Variants in PFKFB3 observed in about 807,000 individuals in gnomAD.
PFKFB3 encodes the protein 6-phosphofructo-2-kinase/fructose-2,6-biphosphatase 3.
A neutral mutation model predicts 68.0 loss-of-function variants in PFKFB3; 33 were observed. The ratio of observed to expected loss-of-function variants is 0.49; its 90% CI spans 0.37 to 0.65. PFKFB3 has a LOEUF of 0.65. Ranked by LOEUF, PFKFB3 falls within the 30% of genes least tolerant of loss-of-function variation. The pLI, the probability that PFKFB3 is intolerant of heterozygous loss-of-function variation, is 0.00. For synonymous variants in PFKFB3, 315 were observed against 288.2 expected, an observed-to-expected ratio of 1.09 and a Z score of -0.94; for missense variants, 586 against 712.2, an observed-to-expected ratio of 0.82 and a Z score of 2.02.
intron 1 of PFKFB3, among the ~76,000 whole-genome samples, chr10:6,195,972 C>T (rs1017524948): frequency 2.6e-5 from 4 of 152,104 alleles, no homozygotes; most frequent in African/African-American, 9.7e-5. Flanking sequence ...GTTTTCAAGA[C>T]TTTGAGAGGA....
upstream of PFKFB3, among the ~76,000 whole-genome samples, chr10:6,199,658 A>ATTTTTTTTTTTTTTTTTTTT (rs143309528): frequency 6.6e-5 from 5 of 75,584 alleles, no homozygotes; most frequent in African/African-American, 2.9e-4. Context: ...CTATTTTTAA[A>ATTTTTTTTTTTTTTTTTTTT]TTTTTTTTTT....
Position 6,228,969 on chromosome 10 carries a change from TC to T in PFKFB3, c.1515+2608del. ...GTGTTCCCACTGCTCTGGGATCCCT[TC>T]CCCACCAGGAGCAGAGGCCTTCCTG... On this transcript the variant is annotated intron_variant, in intron 14 of 14. Coordinates refer to ENST00000379775, the MANE Select transcript of PFKFB3 (RefSeq NM_004566.4). This position sits in a 1 kb window ranked among gnomAD's most constrained non-coding sequence, Gnocchi z 4.5. The T allele has an allele frequency of 4.7e-6, 2 of 421,318 alleles. No individual in the cohort carries two copies. The highest frequency in any genetic ancestry group is 3.6e-5 in the South Asian group (2 of 55,486). The allele number at this position is 421,318 out of a possible 1,614,324, so 26.1% of individuals were successfully genotyped here.
intron 1 of PFKFB3, among the ~76,000 whole-genome samples, chr10:6,213,349 A>G (rs1227249778): frequency 6.6e-6 from 1 of 152,130 alleles, no homozygotes; most frequent in Non-Finnish European, 1.5e-5. Flanking sequence ...GCGAGACCCC[A>G]TCTCTACAAA....
intron 14 of PFKFB3, among the ~76,000 whole-genome samples, chr10:6,245,439 C>T (rs911468250): frequency 2.4e-5 from 3 of 126,766 alleles, no homozygotes; most frequent in Non-Finnish European, 5.1e-5. Flanking sequence ...ATTTTTGAAA[C>T]AGGGTCTGGC....
At chr10:6,145,719 G>T (rs961156723) in intron 1 of PFKFB3, among the ~76,000 whole-genome samples, 1 of 152,198 alleles carries the variant, frequency 6.6e-6, no homozygotes, top group Non-Finnish European at 1.5e-5. Flanking sequence ...GCCGCGTGAG[G>T]ATGGGAGCCG....
chr10:6,281,182 T>TATATATATATATATATATATAC, the PFKFB3 span, among the ~76,000 whole-genome samples: 5 of 133,684 alleles, frequency 3.7e-5, no homozygotes, highest in African/African-American at 1.3e-4. Context: ...TATATATATA[T>TATATATATATATATATATATAC]ACACCACAGT....
chr10:6,229,636 G>A lies in PFKFB3; in HGVS notation c.1516-3259G>A, dbSNP rs753193868. 5.6e-4 allele frequency among the ~76,000 whole-genome samples: 85 copies of A among 152,308 alleles called. No individual in the cohort carries two copies. Among genetic ancestry groups the A allele is most frequent in the Middle Eastern group, 3.4e-3 (1 of 294 alleles). ...CTCAGGGCCAGTGTCTGTGATGCGC[G>A]GGGCCAGCGTGCAGTGCTTCAGGAT... On this transcript the variant is annotated intron_variant, in intron 14 of 14. Transcript: ENST00000379775. This position sits in a 1 kb window ranked among gnomAD's most constrained non-coding sequence, Gnocchi z 4.3.
intron 1 of PFKFB3, among the ~76,000 whole-genome samples, chr10:6,170,143 A>G (rs1842262510): frequency 6.6e-6 from 1 of 152,152 alleles, no homozygotes; most frequent in African/African-American, 2.4e-5. Flanking sequence ...CTTTTAAGCA[A>G]AAGAACCTTG....
At chr10:6,289,383 A>G in the PFKFB3 span, among the ~76,000 whole-genome samples, 5 of 151,986 alleles carry the variant, frequency 3.3e-5, no homozygotes, top group African/African-American at 7.2e-5. Flanking sequence ...ATTTTTGTGT[A>G]AGGTGTAAGG....
the PFKFB3 span, among the ~76,000 whole-genome samples, chr10:6,286,789 GTCCTT>G: frequency 6.6e-6 from 1 of 152,140 alleles, no homozygotes; most frequent in African/African-American, 2.4e-5. Context: ...TTGCCTCATT[GTCCTT>G]GCTGTTGTTT....
intron 1 of PFKFB3, among the ~76,000 whole-genome samples, chr10:6,157,379 G>A (rs1385695563): frequency 1.3e-5 from 2 of 151,804 alleles, no homozygotes; most frequent in Non-Finnish European, 2.9e-5. Context: ...GGCGCCCGCC[G>A]CCCCGCCCAG....
chr10:6,250,591 T>TG (rs1846359050), intron 14 of PFKFB3, among the ~76,000 whole-genome samples: 1 of 132,642 alleles, frequency 7.5e-6, no homozygotes, highest in African/African-American at 2.8e-5. Flanking sequence ...AAAAAAGAGG[T>TG]GGGGTCTTTG....
chr10:6,155,804 C>A (rs1228645247), intron 1 of PFKFB3, among the ~76,000 whole-genome samples: 2 of 152,162 alleles, frequency 1.3e-5, no homozygotes, highest in Non-Finnish European at 2.9e-5. Flanking sequence ...AGTTAGATGG[C>A]CTCATTTTAG....
At chr10:6,173,119 C>A (rs1265258507) in intron 1 of PFKFB3, among the ~76,000 whole-genome samples, 1 of 152,212 alleles carries the variant, frequency 6.6e-6, no homozygotes, top group Admixed American at 6.5e-5. Flanking sequence ...TACTTGTCTA[C>A]TTCGGGAACT....
At chr10:6,258,736 A>G (rs1439363677), downstream of PFKFB3, among the ~76,000 whole-genome samples, 6 of 152,186 alleles carry the variant, frequency 3.9e-5, no homozygotes, top group Admixed American at 2.6e-4. Flanking sequence ...AATTACTCTC[A>G]TGCTTTGCCC....
chr10:6,224,501 G>A, intron 13 of PFKFB3: 1 of 546,220 alleles, frequency 1.8e-6, no homozygotes, highest in South Asian at 1.6e-5. Flanking sequence ...TTTTATTTGA[G>A]ACAGGGTCTC....
intron 1 of PFKFB3, among the ~76,000 whole-genome samples, chr10:6,177,838 C>T (rs1325368442): frequency 2.6e-5 from 4 of 152,048 alleles, no homozygotes; most frequent in African/African-American, 9.7e-5. Flanking sequence ...GTTTCTGATG[C>T]AGGGATAAGG....
At chr10:6,177,360 CTTTCTT>C (rs1227445136) in intron 1 of PFKFB3, among the ~76,000 whole-genome samples, 4 of 81,824 alleles carry the variant, frequency 4.9e-5, no homozygotes, top group Non-Finnish European at 1.1e-4. Context: ...TTTTCTCTTT[CTTTCTT>C]TCTTTCTTTC....
chr10:6,236,752 T>C (rs940992493), downstream of PFKFB3, among the ~76,000 whole-genome samples: 1 of 152,138 alleles, frequency 6.6e-6, no homozygotes, highest in Non-Finnish European at 1.5e-5. Context: ...AAAAGACTGC[T>C]CCCAAAGAGG....
Sources: gnomAD v4.1 joint callset for allele counts (sites outside exome capture counted in the v4.1 genomes callset) on GRCh38, gnomAD v4.1.1 for gene constraint, Gnocchi (gnomAD v3.1) non-coding constraint, MANE v1.5 for transcripts, NCBI Gene and HGNC (gene_info 2026-07-23, HGNC 2026-07-21) for gene names.